PREX2: variants seen among roughly 807,000 people sequenced by gnomAD.
PREX2 encodes phosphatidylinositol-3,4,5-trisphosphate dependent Rac exchange factor 2.
In PREX2, 107 loss-of-function variants were observed where a neutral mutation model predicts 203.2. That is an observed-to-expected ratio of 0.53 (90% CI 0.45 to 0.62). PREX2 has a LOEUF of 0.62. PREX2 is among the 20% of genes least tolerant of loss of function. PREX2 has a pLI of 0.00. For synonymous variants in PREX2, 672 were observed against 663.6 expected, an observed-to-expected ratio of 1.01 and a Z score of -0.19; for missense variants, 1,777 against 1,955.9, an observed-to-expected ratio of 0.91 and a Z score of 1.72.
At position 67,958,627 on chromosome 8, in the gene PREX2, GT is replaced by G. The variant is rs545064250; in HGVS notation, c.141+6093del. On this transcript the variant is annotated intron_variant, in intron 1 of 39. Transcript: ENST00000288368. Reference sequence around the variant, plus strand: ...AGAAATGTGGAAAGTCTGATCTGGGGTAGAAGCATTGGAAAATATAAAAGAA... The same window carrying G: ...AGAAATGTGGAAAGTCTGATCTGGGGAGAAGCATTGGAAAATATAAAAGAA... 4.9e-3 allele frequency among the ~76,000 whole-genome samples: 744 copies of G among 152,270 alleles called. 4 individuals are homozygous for G. The highest frequency in any genetic ancestry group is 6.4e-3 in the Non-Finnish European group (437 of 68,014).
rs1806443160 is a variant in PREX2 at position 67,986,849 on chromosome 8, C to A, written c.142-30997C>A. Among the ~76,000 whole-genome samples, 3 of 151,962 alleles carry A rather than the reference C, an allele frequency of 2.0e-5. No individual in the cohort carries two copies. In the South Asian group the frequency reaches 6.2e-4, roughly 32 times the overall value. On this transcript the variant is annotated intron_variant, in intron 1 of 39. Coordinates refer to ENST00000288368, the MANE Select transcript of PREX2 (RefSeq NM_024870.4). ...TGTTGCAATTTGGAATTCACGAAAA[C>A]CAAACTTAAAGATGTTTTAAAAAAG...
At chr8:68,087,965 T>TA (rs1201379054) in intron 19 of PREX2, among the ~76,000 whole-genome samples, 156 bp downstream of exon 19, 3 of 151,820 alleles carry the variant, frequency 2.0e-5, no homozygotes, top group African/African-American at 4.8e-5. Context: ...CCAGAAACAT[T>TA]AAAAAAACGA....
chr8:67,990,860 T>C (rs535699487), intron 1 of PREX2, among the ~76,000 whole-genome samples: 42 of 152,038 alleles, frequency 2.8e-4, no homozygotes, highest in Non-Finnish European at 4.0e-4. Flanking sequence ...TAATTAGCCT[T>C]AAAGGAGAAT....
intron 34 of PREX2, among the ~76,000 whole-genome samples, chr8:68,146,927 T>C (rs2129613681): frequency 6.6e-6 from 1 of 152,302 alleles, no homozygotes; most frequent in East Asian, 1.9e-4. Flanking sequence ...AAATTAAGGT[T>C]AGCATGAGCA....
intron 11 of PREX2, among the ~76,000 whole-genome samples, chr8:68,065,719 A>G (rs1475689813): frequency 6.6e-6 from 1 of 152,192 alleles, no homozygotes; most frequent in Non-Finnish European, 1.5e-5. Context: ...CTTTGCAGCA[A>G]ATTATCTCTT....
At chr8:68,034,458 C>T (rs931559173) in intron 6 of PREX2, among the ~76,000 whole-genome samples, 14 of 152,014 alleles carry the variant, frequency 9.2e-5, no homozygotes, top group African/African-American at 1.4e-4. Context: ...ATAAACATTA[C>T]GTTGTCATTA....
chr8:68,214,304 G>T (rs1000061668), intron 37 of PREX2, among the ~76,000 whole-genome samples: 1 of 152,166 alleles, frequency 6.6e-6, no homozygotes, highest in Admixed American at 6.5e-5. Flanking sequence ...GAAGGCTGAG[G>T]AGGGAGGATC....
intron 1 of PREX2, among the ~76,000 whole-genome samples, chr8:68,012,717 G>A (rs147760489): frequency 1.3e-5 from 2 of 152,218 alleles, no homozygotes; most frequent in African/African-American, 2.4e-5. Context: ...GAAAAACCAC[G>A]ATCTATTTCA....
rs533757724 is a variant in PREX2, at chr8:68,085,116, G to A, written c.2027+1728G>A. The stretch of plus-strand genomic sequence containing the variant: ...TTGCTAGCTAAGTGTATAACTTCAC[G>A]TCCTCATCCATAAAATGGGGATAAG... On this transcript the variant is annotated intron_variant, in intron 18 of 39. Coordinates refer to ENST00000288368, the MANE Select transcript of PREX2 (RefSeq NM_024870.4). 8.5e-4 allele frequency among the ~76,000 whole-genome samples: 129 copies of A among 152,146 alleles called. 2 individuals are homozygous for A. Among genetic ancestry groups the A allele is most frequent in the African/African-American group, 3.0e-3 (123 of 41,506 alleles).
chr8:68,111,528 TA>T (rs1208946154), intron 25 of PREX2, among the ~76,000 whole-genome samples: 3 of 152,182 alleles, frequency 2.0e-5, no homozygotes, highest in African/African-American at 7.2e-5. Context: ...TTTTATTAAC[TA>T]AAACTACTTA....
intron 8 of PREX2, among the ~76,000 whole-genome samples, chr8:68,046,306 G>A (rs1808349172): frequency 6.6e-6 from 1 of 152,020 alleles, no homozygotes; most frequent in African/African-American, 2.4e-5. Context: ...TGATTACTGT[G>A]CTTTTGGGCA....
chr8:67,976,681 CAGGAGAGAGACAG>C (rs778851909), intron 1 of PREX2, among the ~76,000 whole-genome samples: 6,204 of 57,944 alleles, frequency 0.11, 700 homozygotes, highest in Middle Eastern at 0.19. Flanking sequence ...GAGAGAGAGA[CAGGAGAGAGACAG>C]AGAGAGAGAG....
intron 23 of PREX2, 77 bp downstream of exon 23, chr8:68,099,920 TA>T: frequency 7.8e-7 from 1 of 1,275,776 alleles, no homozygotes; most frequent in Middle Eastern, 1.9e-4. Context: ...CAATTTTTGA[TA>T]TTTTCTTTAC....
At chr8:68,090,401 G>A (rs1344775615) in intron 19 of PREX2, among the ~76,000 whole-genome samples, 178 bp from the exon 20 acceptor site, 1 of 152,170 alleles carries the variant, frequency 6.6e-6, no homozygotes, top group African/African-American at 2.4e-5. Flanking sequence ...CAGTTTGAAA[G>A]TTAAGTTAAA....
intron 30 of PREX2, 135 bp from the exon 31 acceptor site, chr8:68,127,243 G>A (rs1810910474): frequency 3.4e-6 from 2 of 594,738 alleles, no homozygotes; most frequent in Non-Finnish European, 5.8e-6. Flanking sequence ...TCCATTGAAA[G>A]TAATGGCAAA....
At chr8:68,163,294 AG>A (rs1811689607) in intron 35 of PREX2, among the ~76,000 whole-genome samples, 2 of 152,234 alleles carry the variant, frequency 1.3e-5, no homozygotes, top group Non-Finnish European at 2.9e-5. Flanking sequence ...TAAATGGAAA[AG>A]GTTAAAGTTT....
intron 14 of PREX2, 129 bp from the exon 15 acceptor site, chr8:68,077,268 T>A (rs182841935): frequency 4.5e-4 from 316 of 708,280 alleles, no homozygotes; most frequent in Middle Eastern, 1.9e-3. Flanking sequence ...GCATTCTGTC[T>A]TATAAAGCAA....
chr8:68,190,586 C>T (rs1279700345), intron 35 of PREX2, among the ~76,000 whole-genome samples: 1 of 152,024 alleles, frequency 6.6e-6, no homozygotes, highest in Non-Finnish European at 1.5e-5. Context: ...CCCTTCCCAC[C>T]TCTTCCCACT....
chr8:68,016,361 A>G (rs558307632), intron 1 of PREX2, among the ~76,000 whole-genome samples: 36 of 152,310 alleles, frequency 2.4e-4, no homozygotes, highest in African/African-American at 8.7e-4. Context: ...AGTATTTTAT[A>G]GACATCTCGT....
Sources: allele counts gnomAD v4.1 joint callset (sites outside exome capture counted in the v4.1 genomes callset), GRCh38; gene constraint gnomAD v4.1.1; transcripts MANE v1.5; gene names NCBI Gene and HGNC (gene_info 2026-07-23, HGNC 2026-07-21).